TRIM14: variants seen among roughly 807,000 people sequenced by gnomAD.
TRIM14 encodes tripartite motif containing 14.
A neutral mutation model predicts 44.5 loss-of-function variants in TRIM14; 28 were observed. The ratio of observed to expected loss-of-function variants is 0.63; its 90% CI spans 0.47 to 0.86. The LOEUF (loss-of-function observed/expected upper bound fraction) is 0.86, where lower values mean the gene tolerates loss of function less well. Ranked by LOEUF, TRIM14 falls within the 40% of genes least tolerant of loss-of-function variation. The probability of loss-of-function intolerance (pLI) is 0.00; values close to 1 mark genes in which losing one functional copy is unlikely to be tolerated. For synonymous variants in TRIM14, 299 were observed against 269.2 expected, an observed-to-expected ratio of 1.11 and a Z score of -1.08; for missense variants, 607 against 611.1, an observed-to-expected ratio of 0.99 and a Z score of 0.07.
chr9:98,099,846 G>C (rs775411661), intron 3 of TRIM14, 85 bp downstream of exon 3: 1 of 1,229,540 alleles, frequency 8.1e-7, no homozygotes, highest in Non-Finnish European at 1.2e-6. Flanking sequence ...TGCTTAGTGT[G>C]TCAATACTGT....
chr9:98,104,590 T>C (rs7022455), intron 2 of TRIM14, among the ~76,000 whole-genome samples: 52,333 of 151,896 alleles, frequency 0.34, 11,062 homozygotes, highest in African/African-American at 0.59. Flanking sequence ...GGTCATGAAA[T>C]AAGGAAGTAC....
the TRIM14 span, among the ~76,000 whole-genome samples, chr9:98,053,654 T>C: frequency 2.1e-5 from 3 of 145,354 alleles, no homozygotes; most frequent in South Asian, 2.3e-4. Flanking sequence ...CACACACACA[T>C]ACAGGCCAGA....
chr9:98,105,037 C>G (rs1826552501), intron 2 of TRIM14, among the ~76,000 whole-genome samples: 1 of 152,166 alleles, frequency 6.6e-6, no homozygotes, highest in Admixed American at 6.5e-5. Flanking sequence ...AGTGGCCATG[C>G]CCAGCAGGGG....
the TRIM14 span, among the ~76,000 whole-genome samples, chr9:98,050,926 G>A: frequency 6.6e-6 from 1 of 151,988 alleles, no homozygotes; most frequent in East Asian, 1.9e-4. Context: ...GGCAGGCACC[G>A]CCACACCCAG....
the TRIM14 span, among the ~76,000 whole-genome samples, chr9:98,044,903 A>C: frequency 6.6e-6 from 1 of 152,114 alleles, no homozygotes; most frequent in Non-Finnish European, 1.5e-5. Flanking sequence ...GCCTGAGCTC[A>C]GGAGTTTGAG....
intron 2 of TRIM14, among the ~76,000 whole-genome samples, chr9:98,100,580 T>TA (rs547241850): frequency 1.8e-4 from 28 of 152,196 alleles, no homozygotes; most frequent in Non-Finnish European, 5.9e-5. Context: ...AAAATTGCTT[T>TA]AAAAAAATCA....
the TRIM14 span, among the ~76,000 whole-genome samples, chr9:98,048,054 G>A: frequency 7.5e-6 from 1 of 133,536 alleles, no homozygotes; most frequent in African/African-American, 3.2e-5. Flanking sequence ...GATGGTGTGA[G>A]ACTCCTTCTC....
intron 2 of TRIM14, among the ~76,000 whole-genome samples, chr9:98,107,328 C>G (rs1485047969): frequency 6.6e-6 from 1 of 152,144 alleles, no homozygotes; most frequent in Non-Finnish European, 1.5e-5. Context: ...CGCACAGAAA[C>G]CTGGACACAA....
At chr9:98,068,995 T>A (rs1278770730), downstream of TRIM14, among the ~76,000 whole-genome samples, 2 of 152,222 alleles carry the variant, frequency 1.3e-5, no homozygotes, top group Non-Finnish European at 2.9e-5. Flanking sequence ...ATAATTCATA[T>A]ACTGTATAAT....
At chr9:98,090,524 T>C (rs1587945948) in intron 5 of TRIM14, among the ~76,000 whole-genome samples, 1 of 152,000 alleles carries the variant, frequency 6.6e-6, no homozygotes, top group East Asian at 1.9e-4. Context: ...TAAAAAATCA[T>C]TGAGCTGATT....
chr9:98,093,382 A>G (rs1224917977), intron 4 of TRIM14, among the ~76,000 whole-genome samples: 1 of 152,292 alleles, frequency 6.6e-6, no homozygotes, highest in South Asian at 2.1e-4. Context: ...CCTGAGCGCT[A>G]TATGTGTAAG....
At chr9:98,065,308 CTTTTTTTTT>C (rs758040892), downstream of TRIM14, among the ~76,000 whole-genome samples, 14 of 92,754 alleles carry the variant, frequency 1.5e-4, no homozygotes, top group African/African-American at 6.9e-4. Context: ...ACTCCTGGTG[CTTTTTTTTT>C]TTTTTTTTTT....
At chr9:98,065,243 G>A (rs770408375), downstream of TRIM14, among the ~76,000 whole-genome samples, 4 of 149,988 alleles carry the variant, frequency 2.7e-5, no homozygotes, top group African/African-American at 4.9e-5. Flanking sequence ...TTTCAACAGA[G>A]AATTACAATG....
At chr9:98,106,398 T>C (rs1826611125) in intron 2 of TRIM14, among the ~76,000 whole-genome samples, 2 of 152,214 alleles carry the variant, frequency 1.3e-5, no homozygotes, top group African/African-American at 4.8e-5. Context: ...AGGAGCCAGG[T>C]TGTTAACACT....
At chr9:98,099,085 G>A (rs985956990) in intron 3 of TRIM14, among the ~76,000 whole-genome samples, 3 of 152,162 alleles carry the variant, frequency 2.0e-5, no homozygotes, top group Non-Finnish European at 4.4e-5. Flanking sequence ...TGAGCCAGCT[G>A]TGACTCAGCC....
At chr9:98,056,832 T>C in the TRIM14 span, 1 of 1,590,294 alleles carries the variant, frequency 6.3e-7, no homozygotes. Context: ...TGGAGCTGTG[T>C]CCCGGGCGCT....
At chr9:98,118,906 G>T (rs1827146254) in intron 1 of TRIM14, 76 bp downstream of exon 1, 4 of 1,392,894 alleles carry the variant, frequency 2.9e-6, no homozygotes, top group Admixed American at 3.1e-5. Flanking sequence ...GGCCAGGCAC[G>T]CCCCCTCCTC....
At chr9:98,080,925 A>C, downstream of TRIM14, 1 of 1,614,202 alleles carries the variant, frequency 6.2e-7, no homozygotes, top group Non-Finnish European at 8.5e-7. Flanking sequence ...TTGGAACGTC[A>C]CATAACTTTG....
intron 6 of TRIM14, chr9:98,076,697 A>G: frequency 1.9e-6 from 1 of 519,702 alleles, no homozygotes; most frequent in East Asian, 3.6e-5. Context: ...AGCAAAGACC[A>G]GCACCAAACG....
Sources: allele counts gnomAD v4.1 joint callset (sites outside exome capture counted in the v4.1 genomes callset), GRCh38; gene constraint gnomAD v4.1.1; transcripts MANE v1.5; gene names NCBI Gene and HGNC (gene_info 2026-07-23, HGNC 2026-07-21).